Variants in NAV1 observed in about 807,000 individuals in gnomAD.
NAV1 encodes the protein neuron navigator 1.
In NAV1, 18 loss-of-function variants were observed where a neutral mutation model predicts 175.2. The ratio of observed to expected loss-of-function variants is 0.10; its 90% CI spans 0.07 to 0.15. The LOEUF is 0.15. Among genes scored for constraint, NAV1 ranks in the 10% least tolerant of loss-of-function variants. The pLI is 1.00. For missense variants in NAV1, 1,731 were observed against 2,436.6 expected (o/e 0.71, Z 6.10); for synonymous variants, 897 against 978.7 (o/e 0.92, Z 1.56).
chr1:201,625,049 T>A (rs1571851268), intron 1 of NAV1, among the ~76,000 whole-genome samples: 1 of 152,216 alleles, frequency 6.6e-6, no homozygotes, highest in East Asian at 1.9e-4. Flanking sequence ...CCCAATACAC[T>A]CTGCACATGT....
chr1:201,687,102 T>C (rs1250825303), intron 1 of NAV1, among the ~76,000 whole-genome samples: 1 of 152,260 alleles, frequency 6.6e-6, no homozygotes, highest in African/African-American at 2.4e-5. Flanking sequence ...AAGGTCTCCT[T>C]TGCCAATATA....
intron 1 of NAV1, among the ~76,000 whole-genome samples, chr1:201,663,487 T>G (rs1362340264): frequency 1.3e-5 from 2 of 152,158 alleles, no homozygotes; most frequent in Admixed American, 1.3e-4. Flanking sequence ...GATTTGTCAT[T>G]TCCCTCTCTG....
At chr1:201,642,556 T>TC (rs371076258) in intron 2 of NAV1, among the ~76,000 whole-genome samples, 46,511 of 121,998 alleles carry the variant, frequency 0.38, 10,908 homozygotes, top group Admixed American at 0.48. Flanking sequence ...TTTCTTTCTT[T>TC]TTTCCCTTTC....
At chr1:201,559,732 A>G (rs1361549609) in intron 1 of NAV1, among the ~76,000 whole-genome samples, 1 of 152,192 alleles carries the variant, frequency 6.6e-6, no homozygotes, top group East Asian at 1.9e-4. Flanking sequence ...CCATCCGCCA[A>G]TAGGTGCTTA....
chr1:201,623,421 C>T (rs1350882180), exon 1 of NAV1: 29 of 985,798 alleles, frequency 2.9e-5, no homozygotes, highest in Non-Finnish European at 3.1e-5. Flanking sequence ...GAGATATAAA[C>T]TACAAAAGTT....
intron 3 of NAV1, among the ~76,000 whole-genome samples, chr1:201,726,228 C>T (rs549429599): frequency 3.9e-4 from 60 of 152,300 alleles, no homozygotes; most frequent in African/African-American, 1.4e-3. Context: ...AGAAAGCCAC[C>T]TAGCCTCTCT....
chr1:201,559,238 G>A (rs758376441), intron 1 of NAV1, among the ~76,000 whole-genome samples: 3 of 152,088 alleles, frequency 2.0e-5, no homozygotes, highest in African/African-American at 7.3e-5. Context: ...CGGGCCTGCC[G>A]AGAGGCTACC....
Position 201,600,555 on chromosome 1 carries a change from T to C in NAV1, c.-33+11906T>C, listed in dbSNP as rs1335455519. ...GCAAATGTACCGTGGTTATGTAAAT[T>C]CTAAAATTAGGGGAAACTGGGTGAA... is the stretch of plus-strand genomic sequence containing the variant. On this transcript the variant is annotated intron_variant, in intron 2 of 33. Coordinates refer to the NAV1 transcript ENST00000685211. 3.3e-5 allele frequency among the ~76,000 whole-genome samples: 5 copies of C among 152,320 alleles called. No homozygotes were observed. In the East Asian group the frequency reaches 9.6e-4, roughly 29 times the overall value.
At chr1:201,763,823 C>T (rs889892432) in intron 3 of NAV1, among the ~76,000 whole-genome samples, 1 of 152,186 alleles carries the variant, frequency 6.6e-6, no homozygotes, top group African/African-American at 2.4e-5. Flanking sequence ...ATATTGATAC[C>T]TCTAATCCAA....
intron 3 of NAV1, among the ~76,000 whole-genome samples, chr1:201,738,295 C>T (rs1400175919): frequency 6.6e-6 from 1 of 152,086 alleles, no homozygotes; most frequent in East Asian, 1.9e-4. Flanking sequence ...GATCTCAAAG[C>T]ATATTTGGAA....
chr1:201,662,292 G>T (rs189064806), intron 1 of NAV1, among the ~76,000 whole-genome samples: 2 of 152,366 alleles, frequency 1.3e-5, no homozygotes, highest in Admixed American at 1.3e-4. Context: ...GGTACCTGCC[G>T]CAGGCTGAGG....
chr1:201,623,757 C>T lies in NAV1; in HGVS notation c.-101+151C>T, dbSNP rs1055000296. The T allele has an allele frequency of 4.3e-5, 32 of 752,146 alleles. No individual in the cohort carries two copies. The African/African-American group carries it at 5.7e-4, about 13-fold the overall frequency. 46.6% of individuals were successfully genotyped at this position (752,146 alleles called of 1,614,324 possible). ...AAAAAGAAGTTAGGTAGGTGGAGGC[C>T]TACAGAGTTGGGGGCTTGGAGAGCT... is the stretch of plus-strand genomic sequence containing the variant. On this transcript the variant is annotated intron_variant, in intron 1 of 29. Transcript: ENST00000367302.
At chr1:201,554,782 C>G (rs1004641935) in intron 1 of NAV1, among the ~76,000 whole-genome samples, 2 of 152,184 alleles carry the variant, frequency 1.3e-5, no homozygotes, top group Non-Finnish European at 2.9e-5. Context: ...GCTGCCATAA[C>G]AAAGTACCAC....
At chr1:201,604,744 A>AAG (rs1193587344) in intron 2 of NAV1, among the ~76,000 whole-genome samples, 11 of 149,614 alleles carry the variant, frequency 7.4e-5, no homozygotes, top group Admixed American at 2.0e-4. Flanking sequence ...GAAAGAAAGA[A>AAG]AGAGAGAGAG....
At position 201,808,988 on chromosome 1, in the gene NAV1, C is replaced by T; in HGVS notation, c.4207+117C>T. On this transcript the variant is annotated intron_variant, in intron 20 of 29. Coordinates refer to ENST00000367296, the Ensembl canonical transcript of NAV1. The surrounding 1 kb of genome is among the most constrained non-coding windows in gnomAD (Gnocchi z 5.5). ...TAACAATGCCGAAGCCAAGCAGATG[C>T]CAGTGTCCTAAGACACTGAGTTGTA... 7.4e-7 allele frequency: 1 copy of T among 1,358,378 alleles called. No homozygotes were observed. The highest frequency in any genetic ancestry group is 1.0e-6 in the Non-Finnish European group (1 of 979,152). The allele number at this position is 1,358,378 out of a possible 1,614,324, so 84.1% of individuals were successfully genotyped here.
intron 3 of NAV1, among the ~76,000 whole-genome samples, chr1:201,758,822 G>T (rs1172000712): frequency 6.6e-6 from 1 of 152,198 alleles, no homozygotes; most frequent in Non-Finnish European, 1.5e-5. Flanking sequence ...TCTCGTAATG[G>T]AAGTATTTGT....
chr1:201,648,933 A>C, exon 1 of NAV1: 6 of 1,612,940 alleles, frequency 3.7e-6, no homozygotes, highest in Non-Finnish European at 5.1e-6. Context: ...GCGCAAGCAG[A>C]AGTCACTCAC....
chr1:201,778,970 C>A (rs1676128813), intron 3 of NAV1, among the ~76,000 whole-genome samples: 2 of 152,204 alleles, frequency 1.3e-5, no homozygotes, highest in African/African-American at 4.8e-5. Context: ...ACACAGATAA[C>A]AAGGATTTAG....
rs1003222274 is a variant in NAV1 at position 201,709,215 on chromosome 1, G to C, written c.758-3602G>C. ...TTATCACAGAGTAGCGGAAGCCCTA[G>C]ATACCTTCACCCCATCCGGGATGCT... is the stretch of plus-strand genomic sequence containing the variant. On this transcript the variant is annotated intron_variant, in intron 1 of 29. Coordinates refer to ENST00000367296, the Ensembl canonical transcript of NAV1. Among the ~76,000 whole-genome samples the C allele has an allele frequency of 2.0e-5, 3 of 151,574 alleles. No homozygotes were observed. The East Asian group carries it at 5.8e-4, about 29-fold the overall frequency.
Sources: allele counts gnomAD v4.1 joint callset (sites outside exome capture counted in the v4.1 genomes callset), GRCh38; gene constraint gnomAD v4.1.1; non-coding constraint Gnocchi (gnomAD v3.1); transcripts MANE v1.5; gene names NCBI Gene and HGNC (gene_info 2026-07-23, HGNC 2026-07-21).